Variants in ADARB2 observed in about 807,000 individuals in gnomAD.
The protein encoded by ADARB2 is inactive double-stranded RNA-specific editase B2.
ADARB2 carries 25 observed loss-of-function variants against 62.2 expected under a neutral mutation model. That is an observed-to-expected ratio of 0.40 (90% CI 0.29 to 0.56). The LOEUF (loss-of-function observed/expected upper bound fraction) is 0.56, where lower values mean the gene tolerates loss of function less well. Ranked by LOEUF, ADARB2 falls within the 20% of genes least tolerant of loss-of-function variation. ADARB2 has a pLI of 0.43. For synonymous variants in ADARB2, 572 were observed against 500.8 expected (o/e 1.14, Z -1.90); for missense variants, 1,071 against 1,077.4 (o/e 0.99, Z 0.08).
At chr10:1,513,002 G>T (rs1256322893) in intron 1 of ADARB2, among the ~76,000 whole-genome samples, 1 of 152,212 alleles carries the variant, frequency 6.6e-6, no homozygotes, top group African/African-American at 2.4e-5. Flanking sequence ...GAGCGAACGT[G>T]AAGAATGAAG....
At chr10:1,678,300 ATCCTCAGGGTGAGCG>A in intron 1 of ADARB2, 1 of 983,648 alleles carries the variant, frequency 1.0e-6, no homozygotes, top group Non-Finnish European at 1.2e-6. Flanking sequence ...CGGGGTGAGC[ATCCTCAGGGTGAGCG>A]TCTTCAGGGT....
intron 1 of ADARB2, among the ~76,000 whole-genome samples, chr10:1,406,422 C>G (rs575432679): frequency 6.6e-6 from 1 of 152,196 alleles, no homozygotes; most frequent in Non-Finnish European, 1.5e-5. Context: ...CCTGGGGGAC[C>G]TCGTGGAAGG....
chr10:1,281,466 CT>C (rs1661530691), intron 3 of ADARB2, among the ~76,000 whole-genome samples: 2 of 152,252 alleles, frequency 1.3e-5, no homozygotes, highest in African/African-American at 2.4e-5. Context: ...ATGCTTTGTG[CT>C]GGTCGATCCT....
At chr10:1,341,310 A>G (rs1832024967) in intron 3 of ADARB2, among the ~76,000 whole-genome samples, 1 of 150,032 alleles carries the variant, frequency 6.7e-6, no homozygotes, top group Non-Finnish European at 1.5e-5. Flanking sequence ...CACGTGCCCC[A>G]CAGTGGCAAT....
intron 1 of ADARB2, among the ~76,000 whole-genome samples, chr10:1,669,143 G>T (rs962484571): frequency 6.6e-6 from 1 of 152,152 alleles, no homozygotes; most frequent in Non-Finnish European, 1.5e-5. Flanking sequence ...AGGTCTGCAG[G>T]GTGAGGTGGT....
chr10:1,557,597 GTTTAT>G (rs1163600943), intron 1 of ADARB2, among the ~76,000 whole-genome samples: 1 of 152,110 alleles, frequency 6.6e-6, no homozygotes, highest in Admixed American at 6.6e-5. Flanking sequence ...GCCCACATTT[GTTTAT>G]TTTATCAAAA....
chr10:1,380,460 T>A (rs1832473233), intron 1 of ADARB2, among the ~76,000 whole-genome samples: 1 of 152,258 alleles, frequency 6.6e-6, no homozygotes, highest in Admixed American at 6.5e-5. Flanking sequence ...CGTGGCACTG[T>A]ATACCTCCTT....
chr10:1,657,351 G>T (rs1174025235), intron 1 of ADARB2, among the ~76,000 whole-genome samples: 2 of 152,194 alleles, frequency 1.3e-5, no homozygotes, highest in African/African-American at 4.8e-5. Flanking sequence ...CTAGGGAAAA[G>T]AAAGCAAGGA....
intron 1 of ADARB2, chr10:1,678,332 C>G: frequency 2.0e-6 from 2 of 985,114 alleles, no homozygotes; most frequent in Non-Finnish European, 2.4e-6. Context: ...GGGTGAACAT[C>G]CTCGGGGTGA....
chr10:1,373,828 C>T (rs1832397217), intron 2 of ADARB2, among the ~76,000 whole-genome samples: 1 of 150,418 alleles, frequency 6.6e-6, no homozygotes, highest in Non-Finnish European at 1.5e-5. Flanking sequence ...GGACTCCGCG[C>T]ACCCTTCCTA....
chr10:1,438,867 G>A (rs1281335655), intron 1 of ADARB2, among the ~76,000 whole-genome samples: 1 of 91,272 alleles, frequency 1.1e-5, no homozygotes, highest in Non-Finnish European at 2.2e-5. Flanking sequence ...GTCTCCCCCA[G>A]GATGGAGGCA....
intron 1 of ADARB2, among the ~76,000 whole-genome samples, chr10:1,539,641 C>G (rs74908791): frequency 2.6e-5 from 4 of 152,172 alleles, no homozygotes; most frequent in African/African-American, 4.8e-5. Context: ...CTTCACTTTG[C>G]GAGGGAATTT....
chr10:1,564,940 A>C (rs1832837180), intron 1 of ADARB2, among the ~76,000 whole-genome samples: 1 of 152,230 alleles, frequency 6.6e-6, no homozygotes, highest in Non-Finnish European at 1.5e-5. Flanking sequence ...GAATTTGAGC[A>C]ATGGCTCCTC....
intron 1 of ADARB2, among the ~76,000 whole-genome samples, chr10:1,460,047 G>A (rs61834370): frequency 0.22 from 5,352 of 24,044 alleles, 608 homozygotes; most frequent in African/African-American, 0.32. Context: ...TACCTGTGTA[G>A]CAAACCTGCC....
intron 3 of ADARB2, among the ~76,000 whole-genome samples, chr10:1,295,957 CAGGAGCCTGTG>C (rs556761839): frequency 4.3e-4 from 65 of 152,234 alleles, no homozygotes; most frequent in African/African-American, 1.4e-3. Context: ...GCTCCTCACT[CAGGAGCCTGTG>C]GTTGGACTGG....
chr10:1,601,647 C>T (rs531877074), intron 1 of ADARB2, among the ~76,000 whole-genome samples: 1 of 152,264 alleles, frequency 6.6e-6, no homozygotes, highest in African/African-American at 2.4e-5. Context: ...CCAAAAAGAA[C>T]CACAAAGCTG....
At chr10:1,547,836 A>G (rs1032621110) in intron 1 of ADARB2, among the ~76,000 whole-genome samples, 2 of 151,592 alleles carry the variant, frequency 1.3e-5, no homozygotes, top group African/African-American at 4.9e-5. Context: ...GGAGGGGGAG[A>G]TAGGCATTGG....
At chr10:1,475,195 C>A (rs1299419752) in intron 1 of ADARB2, among the ~76,000 whole-genome samples, 2 of 152,226 alleles carry the variant, frequency 1.3e-5, no homozygotes, top group African/African-American at 4.8e-5. Flanking sequence ...GGGGCCTCTT[C>A]CTCCCAGACT....
intron 2 of ADARB2, among the ~76,000 whole-genome samples, chr10:1,372,038 A>G (rs11250474): frequency 0.14 from 21,873 of 152,236 alleles, 2,194 homozygotes; most frequent in East Asian, 0.47. Flanking sequence ...ACTATTGACA[A>G]TAGCAAAGAC....
Sources: allele counts gnomAD v4.1 joint callset (sites outside exome capture counted in the v4.1 genomes callset), GRCh38; gene constraint gnomAD v4.1.1; transcripts MANE v1.5; gene names NCBI Gene and HGNC (gene_info 2026-07-23, HGNC 2026-07-21).